KCNQ5: variants seen among roughly 807,000 people sequenced by gnomAD.
KCNQ5 encodes potassium voltage-gated channel subfamily KQT member 5.
A neutral mutation model predicts 98.2 loss-of-function variants in KCNQ5; 30 were observed. That is an observed-to-expected ratio of 0.31 (90% CI 0.23 to 0.41). The LOEUF (loss-of-function observed/expected upper bound fraction) is 0.41, where lower values mean the gene tolerates loss of function less well. KCNQ5 is among the 10% of genes least tolerant of loss of function. The probability of loss-of-function intolerance (pLI) is 1.00; values close to 1 mark genes in which losing one functional copy is unlikely to be tolerated. For missense variants in KCNQ5, 835 were observed against 1,182.5 expected, an observed-to-expected ratio of 0.71 and a Z score of 4.31; for synonymous variants, 458 against 449.4, an observed-to-expected ratio of 1.02 and a Z score of -0.24.
At chr6:73,137,547 A>G (rs1198270085) in intron 10 of KCNQ5, among the ~76,000 whole-genome samples, 1 of 152,198 alleles carries the variant, frequency 6.6e-6, no homozygotes, top group Non-Finnish European at 1.5e-5. Context: ...TAATATAGAA[A>G]TATTTTTGTC....
intron 1 of KCNQ5, among the ~76,000 whole-genome samples, chr6:72,761,508 G>A (rs1772272784): frequency 6.6e-6 from 1 of 151,426 alleles, no homozygotes; most frequent in African/African-American, 2.4e-5. Flanking sequence ...ATTAACATAT[G>A]TACATGGTTC....
intron 1 of KCNQ5, among the ~76,000 whole-genome samples, chr6:72,980,965 T>C (rs1300215069): frequency 1.3e-5 from 2 of 152,192 alleles, no homozygotes; most frequent in Non-Finnish European, 1.5e-5. Context: ...ATTACATTTA[T>C]TGATTTGCAT....
Position 72,747,685 on chromosome 6 carries a change from G to A in KCNQ5, c.398+125098G>A, listed in dbSNP as rs537296380. On this transcript the variant is annotated intron_variant, in intron 1 of 13. Coordinates refer to ENST00000370398, the MANE Select transcript of KCNQ5 (RefSeq NM_019842.4). ...CATAGCATACATTCCTGTCCTCAAT[G>A]ATATTCAGTCTAGTTAGTTACATAG... Among the ~76,000 whole-genome samples, 3 of 152,212 alleles carry A rather than the reference G, an allele frequency of 2.0e-5. No homozygotes were observed. The East Asian group carries it at 5.8e-4, about 29-fold the overall frequency.
chr6:72,833,699 TAA>T (rs1163979931), intron 1 of KCNQ5, among the ~76,000 whole-genome samples: 7 of 152,124 alleles, frequency 4.6e-5, no homozygotes, highest in African/African-American at 1.7e-4. Flanking sequence ...TCACTGGAAT[TAA>T]GTTAATGTTT....
intron 3 of KCNQ5, among the ~76,000 whole-genome samples, chr6:73,054,515 C>T (rs922795823): frequency 2.6e-5 from 4 of 152,158 alleles, no homozygotes; most frequent in African/African-American, 9.7e-5. Flanking sequence ...AGGCTTCGTC[C>T]CTGGGACACA....
intron 3 of KCNQ5, among the ~76,000 whole-genome samples, chr6:73,072,427 A>G (rs991861437): frequency 1.3e-5 from 2 of 152,246 alleles, no homozygotes; most frequent in African/African-American, 4.8e-5. Context: ...AACACAGTCC[A>G]TCAGGTTCAG....
chr6:72,735,065 G>C (rs961783059), intron 1 of KCNQ5, among the ~76,000 whole-genome samples: 4 of 152,206 alleles, frequency 2.6e-5, no homozygotes, highest in Non-Finnish European at 5.9e-5. Context: ...GTGACTACTT[G>C]TGGATAGTTT....
chr6:72,944,616 A>G (rs1341772563), intron 1 of KCNQ5, among the ~76,000 whole-genome samples: 2 of 152,184 alleles, frequency 1.3e-5, no homozygotes, highest in Non-Finnish European at 2.9e-5. Flanking sequence ...ACTGTTAAAC[A>G]CTTGAGACAT....
intron 1 of KCNQ5, among the ~76,000 whole-genome samples, chr6:72,951,446 T>TG (rs1289881877): frequency 6.8e-6 from 1 of 148,076 alleles, no homozygotes; most frequent in African/African-American, 2.5e-5. Flanking sequence ...CCCAGCAAAT[T>TG]TTTTTTTTTT....
chr6:72,780,641 A>C (rs1018856435), intron 1 of KCNQ5, among the ~76,000 whole-genome samples: 1 of 152,164 alleles, frequency 6.6e-6, no homozygotes, highest in Non-Finnish European at 1.5e-5. Context: ...GGAGTGGAAG[A>C]CTTGGGGGGA....
intron 1 of KCNQ5, among the ~76,000 whole-genome samples, chr6:72,758,575 T>G (rs1438230585): frequency 3.3e-5 from 5 of 152,120 alleles, no homozygotes; most frequent in Non-Finnish European, 7.4e-5. Context: ...GTAAAGCCTG[T>G]GCTAAGAGCC....
intron 1 of KCNQ5, among the ~76,000 whole-genome samples, chr6:72,921,172 T>C (rs1314942859): frequency 6.6e-6 from 1 of 152,052 alleles, no homozygotes; most frequent in Admixed American, 6.6e-5. Flanking sequence ...GGGAATAATA[T>C]ACATGTTATA....
intron 1 of KCNQ5, among the ~76,000 whole-genome samples, chr6:72,863,277 T>A (rs572477760): frequency 8.5e-5 from 13 of 152,338 alleles, no homozygotes; most frequent in African/African-American, 3.1e-4. Context: ...TACATGTTAA[T>A]CCTTTTTAAC....
intron 2 of KCNQ5, among the ~76,000 whole-genome samples, chr6:73,024,918 G>T (rs1770803277): frequency 6.6e-6 from 1 of 152,174 alleles, no homozygotes; most frequent in South Asian, 2.1e-4. Flanking sequence ...AATACTCAAA[G>T]ATTTCAATTA....
intron 1 of KCNQ5, chr6:72,676,954 T>A (rs1767444916): frequency 6.6e-6 from 1 of 152,204 alleles, no homozygotes; most frequent in African/African-American, 2.4e-5. Context: ...TTCAGCTTTG[T>A]TTTTGGTTTG....
intron 1 of KCNQ5, among the ~76,000 whole-genome samples, chr6:72,718,949 A>G (rs963806315): frequency 6.6e-6 from 1 of 152,232 alleles, no homozygotes; most frequent in African/African-American, 2.4e-5. Flanking sequence ...CTCCTAAGAA[A>G]TAGTTCAAAC....
chr6:72,742,430 G>C (rs1771178581), intron 1 of KCNQ5, among the ~76,000 whole-genome samples: 1 of 152,054 alleles, frequency 6.6e-6, no homozygotes, highest in African/African-American at 2.4e-5. Context: ...TCCTTTCCCT[G>C]CTCCTCTTTC....
intron 1 of KCNQ5, among the ~76,000 whole-genome samples, chr6:72,705,833 T>C (rs929793229): frequency 1.3e-5 from 2 of 152,070 alleles, no homozygotes; most frequent in African/African-American, 4.8e-5. Flanking sequence ...CAGGCTCAAA[T>C]TCCCTGAAAT....
In KCNQ5 at chr6:73,017,321, T is replaced by C. The variant is rs146995957; in HGVS notation, c.489+13323T>C. Among the ~76,000 whole-genome samples, 106 of 152,172 alleles carry C rather than the reference T, an allele frequency of 7.0e-4. No individual in the cohort carries two copies. In the East Asian group the frequency reaches 9.8e-3, roughly 14 times the overall value. ...TTTTTTAAGTTCCCACTTTAGGACA[T>C]ATCCACACAAGAAAATAGGTCTATC... On this transcript the variant is annotated intron_variant, in intron 2 of 13. Transcript: ENST00000370398.
Sources: allele counts gnomAD v4.1 joint callset (sites outside exome capture counted in the v4.1 genomes callset), GRCh38; gene constraint gnomAD v4.1.1; transcripts MANE v1.5; gene names NCBI Gene and HGNC (gene_info 2026-07-23, HGNC 2026-07-21).